ABCC4: variants seen among roughly 807,000 people sequenced by gnomAD.
ABCC4 encodes ATP binding cassette subfamily C member 4 (PEL blood group).
In ABCC4, 102 loss-of-function variants were observed where a neutral mutation model predicts 168.5. The ratio of observed to expected loss-of-function variants is 0.61; its 90% CI spans 0.52 to 0.71. The LOEUF (loss-of-function observed/expected upper bound fraction) is 0.71, where lower values mean the gene tolerates loss of function less well. ABCC4 is among the 30% of genes least tolerant of loss of function. The pLI, the probability that ABCC4 is intolerant of heterozygous loss-of-function variation, is 0.00. For synonymous variants in ABCC4, 617 were observed against 590.7 expected, an observed-to-expected ratio of 1.04 and a Z score of -0.65; for missense variants, 1,402 against 1,605.8, an observed-to-expected ratio of 0.87 and a Z score of 2.17.
intron 1 of ABCC4, among the ~76,000 whole-genome samples, chr13:95,262,702 G>C (rs933229094): frequency 6.6e-6 from 1 of 150,768 alleles, no homozygotes; most frequent in African/African-American, 2.4e-5. Context: ...GTGCGATCTC[G>C]GCTCACCACA....
chr13:95,161,571 C>T (rs1440229544), intron 18 of ABCC4, among the ~76,000 whole-genome samples: 2 of 152,164 alleles, frequency 1.3e-5, no homozygotes, highest in Non-Finnish European at 2.9e-5. Context: ...GTGTATAATA[C>T]AATTTCATTC....
At chr13:95,181,100 A>G (rs1022172810) in intron 11 of ABCC4, among the ~76,000 whole-genome samples, 5 of 152,216 alleles carry the variant, frequency 3.3e-5, no homozygotes, top group Non-Finnish European at 1.5e-5. Flanking sequence ...GTTAGGTACC[A>G]CTCAGTAAAA....
intron 19 of ABCC4, among the ~76,000 whole-genome samples, chr13:95,122,354 C>T (rs373985019): frequency 1.3e-5 from 2 of 152,170 alleles, no homozygotes; most frequent in African/African-American, 2.4e-5. Flanking sequence ...CAACAACCCA[C>T]GCCTAACTTC....
chr13:95,032,866 G>C (rs2031943907), intron 30 of ABCC4, among the ~76,000 whole-genome samples: 1 of 150,674 alleles, frequency 6.6e-6, no homozygotes, highest in Non-Finnish European at 1.5e-5. Context: ...ATTTCACCAT[G>C]TTGGCCAGGA....
intron 20 of ABCC4, among the ~76,000 whole-genome samples, chr13:95,109,066 C>T (rs374250526): frequency 5.3e-5 from 8 of 152,256 alleles, no homozygotes; most frequent in African/African-American, 1.9e-4. Context: ...CACTAGAATG[C>T]CAATTCCTAG....
chr13:95,193,123 G>C (rs965437358), intron 9 of ABCC4, among the ~76,000 whole-genome samples: 4 of 151,970 alleles, frequency 2.6e-5, no homozygotes, highest in African/African-American at 9.7e-5. Flanking sequence ...AATACTTAGA[G>C]CCAAGGGCAT....
intron 13 of ABCC4, among the ~76,000 whole-genome samples, chr13:95,177,228 A>G (rs1053105396): frequency 7.9e-5 from 12 of 152,300 alleles, no homozygotes; most frequent in African/African-American, 2.4e-4. Context: ...AGAGCAACAA[A>G]GCCTTCCCAA....
At chr13:95,104,689 A>G (rs1356042579) in intron 20 of ABCC4, among the ~76,000 whole-genome samples, 1 of 152,226 alleles carries the variant, frequency 6.6e-6, no homozygotes. Context: ...ACAAAATTAC[A>G]GTAACAAGGA....
chr13:95,087,078 TA>T (rs1174555780), intron 20 of ABCC4, among the ~76,000 whole-genome samples: 1 of 151,460 alleles, frequency 6.6e-6, no homozygotes, highest in Non-Finnish European at 1.5e-5. Flanking sequence ...GGTGAGAGAC[TA>T]TGGCAAGATT....
Position 95,290,890 on chromosome 13 carries a change from G to A in ABCC4, c.74+10351C>T, listed in dbSNP as rs181616385. On this transcript the variant is annotated intron_variant, in intron 1 of 30. Coordinates refer to ENST00000645237, the MANE Select transcript of ABCC4 (RefSeq NM_005845.5). ...CAAGCACCTGTAATCCCAGCTACTC[G>A]GGAGGCTGAGACAGGAGAACCGCTT... Among the ~76,000 whole-genome samples the A allele has an allele frequency of 2.1e-3, 311 of 150,170 alleles. 1 individual carries two copies. Among genetic ancestry groups the A allele is most frequent in the African/African-American group, 7.4e-3 (301 of 40,862 alleles).
intron 4 of ABCC4, among the ~76,000 whole-genome samples, chr13:95,230,657 C>A (rs1305135561): frequency 6.6e-6 from 1 of 152,110 alleles, no homozygotes; most frequent in East Asian, 1.9e-4. Flanking sequence ...TGCCTGTAGT[C>A]CCAGCTACTC....
chr13:95,244,651 AAGAAAGAAAGAAAG>A (rs1239459563), intron 3 of ABCC4, among the ~76,000 whole-genome samples: 992 of 90,182 alleles, frequency 0.011, 144 homozygotes, highest in Non-Finnish European at 0.015. Flanking sequence ...GAAAGAAAGA[AAGAAAGAAAGAAAG>A]AAAGAAATCA....
intron 20 of ABCC4, among the ~76,000 whole-genome samples, chr13:95,103,351 T>C (rs944445842): frequency 6.6e-6 from 1 of 152,236 alleles, no homozygotes; most frequent in African/African-American, 2.4e-5. Context: ...TTCATGGCTC[T>C]GATATCCTGA....
At chr13:95,272,410 T>C (rs1023621319) in intron 1 of ABCC4, among the ~76,000 whole-genome samples, 3 of 152,186 alleles carry the variant, frequency 2.0e-5, no homozygotes, top group African/African-American at 7.2e-5. Context: ...ATTTATACTG[T>C]TCATTTGCCC....
At chr13:95,271,440 T>C (rs938779838) in intron 1 of ABCC4, among the ~76,000 whole-genome samples, 26 of 152,266 alleles carry the variant, frequency 1.7e-4, no homozygotes, top group Admixed American at 1.2e-3. Context: ...GAGGTCCCCG[T>C]CAGCTGTGCC....
At chr13:95,119,485 C>G (rs903256190) in intron 19 of ABCC4, among the ~76,000 whole-genome samples, 1 of 152,174 alleles carries the variant, frequency 6.6e-6, no homozygotes, top group African/African-American at 2.4e-5. Context: ...ATATCACATA[C>G]AGAGTCAGGT....
At chr13:95,115,603 T>C (rs2035347795) in intron 20 of ABCC4, among the ~76,000 whole-genome samples, 1 of 151,750 alleles carries the variant, frequency 6.6e-6, no homozygotes, top group Non-Finnish European at 1.5e-5. Context: ...ATTGTTTCTG[T>C]ATTATGAAAT....
chr13:95,177,027 A>G (rs1472573858), intron 13 of ABCC4, among the ~76,000 whole-genome samples: 1 of 152,228 alleles, frequency 6.6e-6, no homozygotes, highest in South Asian at 2.1e-4. Flanking sequence ...TTGGGAGGGA[A>G]GCCAGATTCT....
At chr13:95,298,747 C>T (rs945200053) in intron 1 of ABCC4, among the ~76,000 whole-genome samples, 3 of 152,134 alleles carry the variant, frequency 2.0e-5, no homozygotes. Flanking sequence ...GGCTGGGGAG[C>T]CAGTCTGCCC....
Sources: allele counts gnomAD v4.1 joint callset (sites outside exome capture counted in the v4.1 genomes callset), GRCh38; gene constraint gnomAD v4.1.1; transcripts MANE v1.5; gene names NCBI Gene and HGNC (gene_info 2026-07-23, HGNC 2026-07-21).